STK24: variants seen among roughly 807,000 people sequenced by gnomAD.
The protein encoded by STK24 is serine/threonine-protein kinase 24.
A neutral mutation model predicts 55.6 loss-of-function variants in STK24; 21 were observed. That is an observed-to-expected ratio of 0.38 (90% CI 0.27 to 0.54). The LOEUF (loss-of-function observed/expected upper bound fraction) is 0.54. Ranked by LOEUF, STK24 falls within the 20% of genes least tolerant of loss-of-function variation. STK24 has a pLI of 0.79. For synonymous variants in STK24, 200 were observed against 215.2 expected (o/e 0.93, Z 0.62); for missense variants, 383 against 538.4 (o/e 0.71, Z 2.86).
At chr13:98,493,582 T>C (rs1895122961) in intron 2 of STK24, among the ~76,000 whole-genome samples, 1 of 152,200 alleles carries the variant, frequency 6.6e-6, no homozygotes, top group African/African-American at 2.4e-5. Context: ...CATGCCATCA[T>C]CTTGCTATGA....
chr13:98,483,279 A>G (rs1157251197), intron 2 of STK24, among the ~76,000 whole-genome samples: 1 of 151,852 alleles, frequency 6.6e-6, no homozygotes, highest in Non-Finnish European at 1.5e-5. Context: ...CCAAGAACCC[A>G]TGGCTGGCAC....
At chr13:98,490,030 A>G (rs1438611981) in intron 2 of STK24, among the ~76,000 whole-genome samples, 1 of 152,222 alleles carries the variant, frequency 6.6e-6, no homozygotes, top group Non-Finnish European at 1.5e-5. Context: ...AGGCATGGAA[A>G]GAAGAGAAGC....
chr13:98,473,549 G>C (rs1428129402), intron 5 of STK24, among the ~76,000 whole-genome samples: 1 of 152,074 alleles, frequency 6.6e-6, no homozygotes, highest in Non-Finnish European at 1.5e-5. Flanking sequence ...AACAGCCAAA[G>C]TGACTGCAGA....
intron 5 of STK24, among the ~76,000 whole-genome samples, chr13:98,470,506 G>A (rs7987199): frequency 6.6e-6 from 1 of 152,370 alleles, no homozygotes; most frequent in South Asian, 2.1e-4. Context: ...TGAGGTGGAA[G>A]GAGAGACCCA....
At position 98,484,713 on chromosome 13, in the gene STK24, A is replaced by G. The variant is rs750914889; in HGVS notation, c.274-2392T>C. On this transcript the variant is annotated intron_variant, in intron 2 of 10. Transcript: ENST00000539966. ...CTACCTTCTCCTTTTAAGGAGCCCT[A>G]GCAAGACACCTCAACCAAGTTTTCT... Among the ~76,000 whole-genome samples the G allele has an allele frequency of 5.3e-5, 8 of 152,204 alleles. 1 individual carries two copies. Among genetic ancestry groups the G allele is most frequent in the Admixed American group, 1.3e-4 (2 of 15,284 alleles).
intron 1 of STK24, among the ~76,000 whole-genome samples, chr13:98,551,272 T>C (rs190025492): frequency 1.4e-5 from 2 of 147,150 alleles, no homozygotes; most frequent in South Asian, 2.1e-4. Flanking sequence ...GGCGACAGAG[T>C]GAGACTCTGT....
At chr13:98,540,718 A>G (rs1245694548) in intron 1 of STK24, among the ~76,000 whole-genome samples, 6 of 150,500 alleles carry the variant, frequency 4.0e-5, no homozygotes, top group African/African-American at 9.8e-5. Context: ...ACAGGCCTCT[A>G]TAACAACTGT....
chr13:98,525,613 C>T lies in STK24; in HGVS notation c.43-6140G>A, dbSNP rs571544129. Reference sequence around the variant, plus strand: ...TACAGTGGAGCCGGGCTCGCCACCCCGGTATAGGCAGGAGGATCGGCTTCT... The same window carrying T: ...TACAGTGGAGCCGGGCTCGCCACCCTGGTATAGGCAGGAGGATCGGCTTCT... On this transcript the variant is annotated intron_variant, in intron 1 of 10. Transcript: ENST00000539966. 2.0e-5 allele frequency among the ~76,000 whole-genome samples: 3 copies of T among 152,146 alleles called. No individual in the cohort carries two copies. The East Asian group carries it at 5.8e-4, about 29-fold the overall frequency.
intron 6 of STK24, among the ~76,000 whole-genome samples, chr13:98,464,859 T>G (rs1169092270): frequency 1.3e-5 from 2 of 152,196 alleles, no homozygotes; most frequent in African/African-American, 4.8e-5. Context: ...AATGTCAATT[T>G]GGAATTATCT....
intron 7 of STK24, 84 bp from the exon 8 acceptor site, chr13:98,461,981 G>A: frequency 3.2e-6 from 5 of 1,556,552 alleles, no homozygotes; most frequent in Non-Finnish European, 4.4e-6. Flanking sequence ...AGGCCGCCTG[G>A]GGACCTCTAA....
At chr13:98,552,146 C>A (rs1422543439) in intron 1 of STK24, among the ~76,000 whole-genome samples, 1 of 152,158 alleles carries the variant, frequency 6.6e-6, no homozygotes, top group Non-Finnish European at 1.5e-5. Flanking sequence ...AATTTTTAAA[C>A]AATTAGTCAT....
chr13:98,486,804 A>G (rs1894824945), intron 2 of STK24, among the ~76,000 whole-genome samples: 1 of 152,150 alleles, frequency 6.6e-6, no homozygotes, highest in South Asian at 2.1e-4. Context: ...TGGCTTACAC[A>G]CTGAAACTCC....
intron 9 of STK24, among the ~76,000 whole-genome samples, chr13:98,459,567 G>A (rs923461429): frequency 2.6e-5 from 4 of 152,228 alleles, no homozygotes; most frequent in Non-Finnish European, 4.4e-5. Flanking sequence ...GCTGCGTGAC[G>A]CAGGCACAGG....
chr13:98,483,283 C>T (rs1018024690), intron 2 of STK24, among the ~76,000 whole-genome samples: 1 of 152,168 alleles, frequency 6.6e-6, no homozygotes, highest in African/African-American at 2.4e-5. Flanking sequence ...GAACCCATGG[C>T]TGGCACGGGA....
chr13:98,511,083 C>T (rs1329696654), intron 2 of STK24, among the ~76,000 whole-genome samples: 1 of 152,148 alleles, frequency 6.6e-6, no homozygotes. Context: ...ACTGCAGCCT[C>T]GAACACCTGG....
intron 5 of STK24, among the ~76,000 whole-genome samples, chr13:98,466,768 C>T (rs1411872398): frequency 6.6e-6 from 1 of 152,246 alleles, no homozygotes; most frequent in Non-Finnish European, 1.5e-5. Context: ...TCTGCCTCTA[C>T]ATGGAGATGG....
intron 2 of STK24, among the ~76,000 whole-genome samples, chr13:98,516,998 A>G (rs61634677): frequency 0.034 from 5,171 of 152,320 alleles, 277 homozygotes; most frequent in African/African-American, 0.12. Flanking sequence ...TGTGGCCGCT[A>G]TATTTGGCCA....
intron 10 of STK24, chr13:98,456,406 A>G (rs1355974103): frequency 2.2e-5 from 10 of 461,046 alleles, no homozygotes; most frequent in South Asian, 1.3e-4. Flanking sequence ...TCAAGGCAGC[A>G]GCACGCCTGG....
At chr13:98,512,518 A>G (rs1213992898) in intron 2 of STK24, among the ~76,000 whole-genome samples, 2 of 151,896 alleles carry the variant, frequency 1.3e-5, no homozygotes, top group Admixed American at 1.3e-4. Context: ...AATACACATC[A>G]TGTCTACCGA....
Sources: gnomAD v4.1 joint callset for allele counts (sites outside exome capture counted in the v4.1 genomes callset) on GRCh38, gnomAD v4.1.1 for gene constraint, MANE v1.5 for transcripts, NCBI Gene and HGNC (gene_info 2026-07-23, HGNC 2026-07-21) for gene names.